Variants in ROR2 observed in about 807,000 individuals in gnomAD.
ROR2 encodes the protein ROR family WNT receptor 2.
In ROR2, 33 loss-of-function variants were observed where a neutral mutation model predicts 74.9. The ratio of observed to expected loss-of-function variants is 0.44; its 90% confidence interval spans 0.33 to 0.59. The LOEUF (loss-of-function observed/expected upper bound fraction) is 0.59. ROR2 is among the 20% of genes least tolerant of loss of function. The pLI, the probability that ROR2 is intolerant of heterozygous loss-of-function variation, is 0.02. For synonymous variants in ROR2, 586 were observed against 558.7 expected, an observed-to-expected ratio of 1.05 and a Z score of -0.69; for missense variants, 1,216 against 1,313.8, an observed-to-expected ratio of 0.93 and a Z score of 1.15.
In ROR2 at chr9:91,724,530, G is replaced by GGCAGCAGCGAGTTCC; in HGVS notation, c.1949_1963dup (p.Leu654_Pro655insArgAsnSerLeuLeu). The GGCAGCAGCGAGTTCC allele has an allele frequency of 4.3e-6, 7 of 1,614,214 alleles. No homozygotes were observed. Among genetic ancestry groups the GGCAGCAGCGAGTTCC allele is most frequent in the Non-Finnish European group, 5.9e-6 (7 of 1,180,042 alleles). On this transcript the variant is annotated inframe_insertion, in exon 9 of 9. Coordinates refer to ENST00000375708, the MANE Select transcript of ROR2 (RefSeq NM_004560.4). ...GGCCTCTGGGGCCATCCAGCGGATA[G>GGCAGCAGCGAGTTCC]GCAGCAGCGAGTTCCCCAGCAGCTT...
chr9:91,751,088 C>G (rs1199694050), intron 4 of ROR2, among the ~76,000 whole-genome samples: 1 of 152,104 alleles, frequency 6.6e-6, no homozygotes, highest in African/African-American at 2.4e-5. Flanking sequence ...GATGCACACC[C>G]GTAATCCTGC....
intron 1 of ROR2, among the ~76,000 whole-genome samples, chr9:91,782,597 A>C (rs1343304134): frequency 1.3e-5 from 2 of 149,632 alleles, no homozygotes; most frequent in South Asian, 2.1e-4. Flanking sequence ...AAAAAAAAAA[A>C]AAAAAAAAAC....
chr9:91,820,561 C>T (rs1563981923), intron 1 of ROR2, among the ~76,000 whole-genome samples: 1 of 152,164 alleles, frequency 6.6e-6, no homozygotes, highest in African/African-American at 2.4e-5. Flanking sequence ...ACTACGCTGG[C>T]TCCCTCCCTC....
intron 1 of ROR2, among the ~76,000 whole-genome samples, chr9:91,863,121 G>A (rs1199610337): frequency 1.3e-5 from 2 of 152,198 alleles, no homozygotes; most frequent in Non-Finnish European, 2.9e-5. Flanking sequence ...GCTGCTGGTG[G>A]GAATGTAAAA....
rs1376307743 is a variant in ROR2 at position 91,950,140 on chromosome 9, T to C, written c.-177A>G. On this transcript the variant is annotated 5_prime_UTR_variant, in exon 1 of 9. Coordinates refer to ENST00000375708, the MANE Select transcript of ROR2 (RefSeq NM_004560.4). ...CTCCGGCCCGGATGCGCCGCTCGGC[T>C]CCGGCCACGGCAAGGGCTGGCTGGG... The C allele has an allele frequency of 2.5e-6, 1 of 401,426 alleles. No homozygotes were observed. Among genetic ancestry groups the C allele is most frequent in the Non-Finnish European group, 4.3e-6 (1 of 230,644 alleles). The allele number at this position is 401,426 out of a possible 1,614,324, so 24.9% of individuals were successfully genotyped here.
intron 7 of ROR2, among the ~76,000 whole-genome samples, chr9:91,728,881 C>T (rs78995057): frequency 0.011 from 1,706 of 152,272 alleles, 16 homozygotes; most frequent in Non-Finnish European, 0.017. Flanking sequence ...ACAGCACAGG[C>T]GTCTCCAACT....
chr9:91,751,980 T>G (rs1355224374), intron 4 of ROR2, among the ~76,000 whole-genome samples: 2 of 152,256 alleles, frequency 1.3e-5, no homozygotes, highest in Non-Finnish European at 2.9e-5. Context: ...ATACATTTAT[T>G]TGAAAATTTA....
At chr9:91,790,163 T>C (rs761870241) in intron 1 of ROR2, among the ~76,000 whole-genome samples, 5 of 152,188 alleles carry the variant, frequency 3.3e-5, no homozygotes, top group Non-Finnish European at 7.3e-5. Flanking sequence ...CACAGGCTTA[T>C]AGTGATGCTG....
intron 4 of ROR2, among the ~76,000 whole-genome samples, chr9:91,748,200 G>A (rs913203085): frequency 2.0e-5 from 3 of 152,034 alleles, no homozygotes; most frequent in African/African-American, 7.2e-5. Flanking sequence ...GCTTGAACCT[G>A]GGAGGCGGAG....
intron 2 of ROR2, among the ~76,000 whole-genome samples, chr9:91,764,030 T>C (rs1452296047): frequency 6.6e-6 from 1 of 152,250 alleles, no homozygotes; most frequent in African/African-American, 2.4e-5. Flanking sequence ...ATTTTTAATA[T>C]GTTTATCTAC....
At chr9:91,948,526 G>A in intron 1 of ROR2, 1 of 967,154 alleles carries the variant, frequency 1.0e-6, no homozygotes, top group Non-Finnish European at 1.2e-6. Flanking sequence ...CAAGTAATTA[G>A]GAATGTCTGA....
intron 1 of ROR2, among the ~76,000 whole-genome samples, chr9:91,945,855 C>T (rs1055988875): frequency 1.3e-5 from 2 of 152,228 alleles, no homozygotes; most frequent in African/African-American, 4.8e-5. Context: ...GCTGTCCCGC[C>T]CTCGTTTCCA....
intron 6 of ROR2, among the ~76,000 whole-genome samples, chr9:91,732,684 G>A (rs1376179655): frequency 6.6e-6 from 1 of 152,040 alleles, no homozygotes; most frequent in Admixed American, 6.6e-5. Context: ...TCAGGAGGTT[G>A]GGGCAGGAGT....
chr9:91,924,639 A>C (rs1021596835), intron 1 of ROR2, among the ~76,000 whole-genome samples: 11 of 152,110 alleles, frequency 7.2e-5, no homozygotes, highest in Admixed American at 4.6e-4. Flanking sequence ...TAAAAATACA[A>C]AAAACTAGCC....
At chr9:91,755,666 G>A (rs576160905) in intron 4 of ROR2, among the ~76,000 whole-genome samples, 47 of 152,348 alleles carry the variant, frequency 3.1e-4, no homozygotes, top group South Asian at 8.3e-4. Flanking sequence ...CCACGGGGTG[G>A]CCCAAGGCTC....
intron 1 of ROR2, among the ~76,000 whole-genome samples, chr9:91,878,059 C>CCAGT (rs113564515): frequency 0.13 from 19,615 of 152,042 alleles, 2,548 homozygotes; most frequent in African/African-American, 0.34. Flanking sequence ...TCACAGGGAC[C>CCAGT]CAGTACTGGC....
At chr9:91,924,482 T>G (rs1831346901) in intron 1 of ROR2, among the ~76,000 whole-genome samples, 1 of 152,242 alleles carries the variant, frequency 6.6e-6, no homozygotes, top group Admixed American at 6.5e-5. Context: ...AGGCACAGAT[T>G]GCTGAGTTCA....
chr9:91,756,721 G>T (rs1034812277), intron 3 of ROR2, among the ~76,000 whole-genome samples: 3 of 147,756 alleles, frequency 2.0e-5, no homozygotes, highest in Admixed American at 1.4e-4. Context: ...CTCTCCATCT[G>T]CACCTATTTT....
chr9:91,827,062 A>G (rs1396258537), intron 1 of ROR2, among the ~76,000 whole-genome samples: 1 of 152,168 alleles, frequency 6.6e-6, no homozygotes, highest in African/African-American at 2.4e-5. Context: ...TACGCACTCT[A>G]TAGTTCACTT....
Sources: gnomAD v4.1 joint callset for allele counts (sites outside exome capture counted in the v4.1 genomes callset) on GRCh38, gnomAD v4.1.1 for gene constraint, MANE v1.5 for transcripts, NCBI Gene and HGNC (gene_info 2026-07-23, HGNC 2026-07-21) for gene names.